The following RNF19B variants were observed in gnomAD, a reference collection of about 807,000 sequenced individuals.
RNF19B encodes the protein ring finger protein 19B, also known as E3 ubiquitin-protein ligase RNF19B.
A neutral mutation model predicts 65.5 loss-of-function variants in RNF19B; 23 were observed. The ratio of observed to expected loss-of-function variants is 0.35; its 90% CI spans 0.25 to 0.50. The LOEUF is 0.50. Among genes scored for constraint, RNF19B ranks in the 20% least tolerant of loss-of-function variants. The pLI, the probability that RNF19B is intolerant of heterozygous loss-of-function variation, is 0.98. For missense variants in RNF19B, 794 were observed against 980.0 expected (o/e 0.81, Z 2.53); for synonymous variants, 372 against 379.6 (o/e 0.98, Z 0.23).
intron 8 of RNF19B, 90 bp downstream of exon 8, chr1:32,938,307 T>C: frequency 2.2e-6 from 3 of 1,364,164 alleles, no homozygotes; most frequent in Non-Finnish European, 3.1e-6. Context: ...AGATGGTACA[T>C]ACAGCCCTAA....
At chr1:32,934,606 G>A (rs571574474), downstream of RNF19B, among the ~76,000 whole-genome samples, 13 of 152,038 alleles carry the variant, frequency 8.6e-5, no homozygotes, top group African/African-American at 2.7e-4. Flanking sequence ...ACTTGAACCC[G>A]GGAGGCTGAG....
chr1:32,945,464 G>A, intron 5 of RNF19B, 50 bp downstream of exon 5: 1 of 1,203,992 alleles, frequency 8.3e-7, no homozygotes, highest in Non-Finnish European at 1.2e-6. Context: ...TGGCTAAACT[G>A]CTATGGTCAG....
intron 1 of RNF19B, among the ~76,000 whole-genome samples, chr1:32,952,208 T>C (rs1288526927): frequency 6.6e-6 from 1 of 151,942 alleles, no homozygotes; most frequent in Non-Finnish European, 1.5e-5. Flanking sequence ...AACAATCCAA[T>C]ATATTTATAT....
In RNF19B at chr1:32,957,412, TTCTA is replaced by T. The variant is rs374725994; in HGVS notation, c.635+6635_635+6638del. Among the ~76,000 whole-genome samples the T allele has an allele frequency of 5.0e-3, 758 of 152,338 alleles. 6 individuals are homozygous for T. Among genetic ancestry groups the T allele is most frequent in the African/African-American group, 0.016 (671 of 41,572 alleles). ...TTTATCATATGACATTTGAATAATT[TTCTA>T]TCTATCTATGTATCAATTATCTGTC... On this transcript the variant is annotated intron_variant, in intron 1 of 8. Transcript: ENST00000235150.
rs930142769 is a variant in RNF19B, at chr1:32,954,753, A to C, written c.636-4979T>G. ...AATTCCATCTCAAAAAAAAAAAAAAACAATCTCCAAACCTTAGCTTCTATT... is the reference window on the plus strand; with the variant it reads ...AATTCCATCTCAAAAAAAAAAAAAACCAATCTCCAAACCTTAGCTTCTATT... On this transcript the variant is annotated intron_variant, in intron 1 of 8. Coordinates refer to ENST00000235150, the MANE Select transcript of RNF19B (RefSeq NM_001300826.2). 3.3e-5 allele frequency among the ~76,000 whole-genome samples: 5 copies of C among 151,386 alleles called. No homozygotes were observed. The East Asian group carries it at 1.0e-3, about 31-fold the overall frequency.
At chr1:32,946,037 T>G (rs1193181805) in intron 4 of RNF19B, among the ~76,000 whole-genome samples, 1 of 152,138 alleles carries the variant, frequency 6.6e-6, no homozygotes, top group East Asian at 1.9e-4. Flanking sequence ...CTAATTTTTC[T>G]ATTTTTTTGG....
At chr1:32,955,992 G>C (rs560257070) in intron 1 of RNF19B, among the ~76,000 whole-genome samples, 2 of 152,148 alleles carry the variant, frequency 1.3e-5, no homozygotes, top group South Asian at 4.1e-4. Flanking sequence ...AACTTTGTCA[G>C]GCAAAGGCAG....
At chr1:32,950,999 G>A (rs575936211) in intron 1 of RNF19B, among the ~76,000 whole-genome samples, 6 of 151,966 alleles carry the variant, frequency 3.9e-5, no homozygotes, top group Non-Finnish European at 5.9e-5. Flanking sequence ...ATCACCATGC[G>A]CAGCTAATTT....
At chr1:32,953,580 C>G (rs1642562187) in intron 1 of RNF19B, among the ~76,000 whole-genome samples, 1 of 151,976 alleles carries the variant, frequency 6.6e-6, no homozygotes, top group African/African-American at 2.4e-5. Flanking sequence ...TATTAAAACT[C>G]TTTTCAGAAA....
chr1:32,948,819 A>C (rs192413594), intron 2 of RNF19B, among the ~76,000 whole-genome samples: 4 of 152,200 alleles, frequency 2.6e-5, no homozygotes, highest in Non-Finnish European at 5.9e-5. Flanking sequence ...TTTGCTGTTA[A>C]CATAGCCCAC....
At position 32,948,204 on chromosome 1, in the gene RNF19B, A is replaced by C; in HGVS notation, c.983+18T>G. On this transcript the variant is annotated intron_variant, in intron 3 of 8. Transcript: ENST00000235150. ...GAGAATGAGACTACGAAAGGAATGG[A>C]TGCATTTCCCATCTTACCTGAGGTA... is the stretch of plus-strand genomic sequence containing the variant. 1 of 1,612,262 alleles carries C rather than the reference A, an allele frequency of 6.2e-7. No individual in the cohort carries two copies.
rs769356232 is a variant in RNF19B at position 32,942,402 on chromosome 1, C to G, written c.1460G>C (p.Gly487Ala). 2 of 1,614,220 alleles carry G rather than the reference C, an allele frequency of 1.2e-6. No individual in the cohort carries two copies. The highest frequency in any genetic ancestry group is 1.7e-6 in the Non-Finnish European group (2 of 1,180,036). The change falls in exon 7 of 9, where the codon GGC (glycine) becomes GCC (alanine). Residue 487 changes from glycine to alanine, a missense_variant. Physicochemically the swap from Gly to Ala is moderately conservative, Grantham distance 60 (BLOSUM62 0). Coordinates refer to ENST00000235150, the MANE Select transcript of RNF19B (RefSeq NM_001300826.2). The stretch of plus-strand genomic sequence containing the variant: ...ACTAGTGCTCAATACACTAGTCAGG[C>G]CTTCAATGCTGCTTTCCCCAATGCT... ...NPSIGESSIE[G>A]LTSVLSTSGS...
chr1:32,964,255 T>C lies in RNF19B; in HGVS notation c.431A>G (p.Asp144Gly), dbSNP rs1415098061. Residue 144 changes from aspartate (D) to glycine (G), a missense_variant, in exon 1 of 9, where the codon GAC (aspartate) becomes GGC (glycine). Physicochemically the swap from Asp to Gly is moderately conservative, Grantham distance 94. Coordinates refer to ENST00000235150, the MANE Select transcript of RNF19B (RefSeq NM_001300826.2). The surrounding 1 kb of genome is among the most constrained non-coding windows in gnomAD (Gnocchi z 6.5). Reference sequence around the variant, plus strand: ...CAGGCGCAGGTAGTGGCGGAGGCAGTCCCGGCACGAGCGGTGCGGACAGCT... The same window carrying C: ...CAGGCGCAGGTAGTGGCGGAGGCAGCCCCGGCACGAGCGGTGCGGACAGCT... Reference protein sequence around the residue: ...LLSCPHRSCRDCLRHYLRLEI... With the variant: ...LLSCPHRSCRGCLRHYLRLEI... 2.6e-6 allele frequency: 4 copies of C among 1,542,734 alleles called. No individual in the cohort carries two copies. Among genetic ancestry groups the C allele is most frequent in the Non-Finnish European group, 3.5e-6 (4 of 1,144,842 alleles).
At chr1:32,939,930 G>GC (rs2124112779) in intron 7 of RNF19B, among the ~76,000 whole-genome samples, 1 of 152,330 alleles carries the variant, frequency 6.6e-6, no homozygotes, top group South Asian at 2.1e-4. Context: ...GAATATGCCA[G>GC]CATGTGGGGG....
At chr1:32,949,863 A>G in intron 1 of RNF19B, 89 bp from the exon 2 acceptor site, 1 of 922,182 alleles carries the variant, frequency 1.1e-6, no homozygotes. Context: ...AATGTTTGGC[A>G]CTACCCCACT....
At chr1:32,961,007 C>T (rs1342230626) in intron 1 of RNF19B, among the ~76,000 whole-genome samples, 3 of 134,014 alleles carry the variant, frequency 2.2e-5, no homozygotes, top group East Asian at 2.1e-4. Flanking sequence ...CAGAGCGAGA[C>T]GCTGTCTCAA....
intron 1 of RNF19B, among the ~76,000 whole-genome samples, chr1:32,962,162 T>TAC (rs1231482089): frequency 6.6e-6 from 1 of 152,146 alleles, no homozygotes; most frequent in Non-Finnish European, 1.5e-5. Flanking sequence ...AGAGACAGGA[T>TAC]ACCACTATGT....
At position 32,952,962 on chromosome 1, in the gene RNF19B, ATTTTTTTTT is replaced by A. The variant is rs71278768; in HGVS notation, c.636-3197_636-3189del. On this transcript the variant is annotated intron_variant, in intron 1 of 8. Transcript: ENST00000235150. The stretch of plus-strand genomic sequence containing the variant: ...GAAAGTTATGAAAGTTAATCACACA[ATTTTTTTTT>A]TTTTTTTTTTTTTGAAGACAAGGTC... 5.2e-4 allele frequency among the ~76,000 whole-genome samples: 62 copies of A among 120,028 alleles called. 1 individual carries two copies. Among genetic ancestry groups the A allele is most frequent in the Non-Finnish European group, 8.4e-4 (50 of 59,218 alleles). 78.7% of individuals were successfully genotyped at this position (120,028 alleles called of 152,430 possible).
chr1:32,964,755 AGCGCCCGGCCGCCGCCG>A lies in RNF19B; in HGVS notation c.-87_-71del. 7.8e-7 allele frequency: 1 copy of A among 1,288,394 alleles called. No individual in the cohort carries two copies. Among genetic ancestry groups the A allele is most frequent in the South Asian group, 1.9e-5 (1 of 52,396 alleles). 79.8% of individuals were successfully genotyped at this position (1,288,394 alleles called of 1,614,324 possible). A position where few individuals can be genotyped will look rare whatever the true frequency, so the allele number is the denominator to read the frequency against. On this transcript the variant is annotated 5_prime_UTR_variant, in exon 1 of 9. Transcript: ENST00000235150. This position sits in a 1 kb window ranked among gnomAD's most constrained non-coding sequence, Gnocchi z 6.5. ...GCTCCCGCCTCAGCGCCCCTCAGCC[AGCGCCCGGCCGCCGCCG>A]ACGCCGCCACCACCGCCTCAACCGC... is the stretch of plus-strand genomic sequence containing the variant.
Sources: allele counts gnomAD v4.1 joint callset (sites outside exome capture counted in the v4.1 genomes callset), GRCh38; gene constraint gnomAD v4.1.1; non-coding constraint Gnocchi (gnomAD v3.1); transcripts MANE v1.5; gene names NCBI Gene and HGNC (gene_info 2026-07-23, HGNC 2026-07-21).